DRD3: variants seen among roughly 807,000 people sequenced by gnomAD.
The protein encoded by DRD3 is dopamine receptor D3, also known as D(3) dopamine receptor.
In DRD3, 19 loss-of-function variants were observed where a neutral mutation model predicts 36.3. The observed-to-expected ratio is 0.52, with a 90% CI of 0.36 to 0.77. The LOEUF (loss-of-function observed/expected upper bound fraction) is 0.77. Ranked by LOEUF, DRD3 falls within the 30% of genes least tolerant of loss-of-function variation. The pLI is 0.00. For missense variants in DRD3, 465 were observed against 505.3 expected (o/e 0.92, Z 0.77); for synonymous variants, 195 against 203.7 (o/e 0.96, Z 0.36).
chr3:114,129,855 C>G (rs1459493751), intron 6 of DRD3, among the ~76,000 whole-genome samples: 1 of 152,194 alleles, frequency 6.6e-6, no homozygotes, highest in Non-Finnish European at 1.5e-5. Flanking sequence ...GTCAGGAATT[C>G]AAGACCAGCC....
intron 2 of DRD3, among the ~76,000 whole-genome samples, chr3:114,171,298 T>A (rs1359473786): frequency 5.3e-5 from 8 of 152,086 alleles, no homozygotes; most frequent in Non-Finnish European, 2.9e-5. Flanking sequence ...TTTTTTTCTA[T>A]AATTCCTTTT....
At chr3:114,147,222 A>T (rs755819434) in intron 4 of DRD3, among the ~76,000 whole-genome samples, 193 bp downstream of exon 4, 97 of 152,190 alleles carry the variant, frequency 6.4e-4, no homozygotes, top group Non-Finnish European at 1.3e-3. Context: ...TGTGCCAATA[A>T]TTGATGAGGT....
chr3:114,139,448 G>T, intron 5 of DRD3, 52 bp downstream of exon 5: 2 of 1,557,474 alleles, frequency 1.3e-6, no homozygotes, highest in African/African-American at 2.7e-5. Context: ...CACAGGCTGG[G>T]AAGTCAGGAG....
chr3:114,187,672 G>T lies in DRD3; in HGVS notation c.-155-8896C>A, dbSNP rs537855763. ...TATTACTATCCAAGAAGGGCATTTG[G>T]TATCACTAGAACTCTTGGGAGTTCA... On this transcript the variant is annotated intron_variant, in intron 1 of 7. Transcript: ENST00000460779. Among the ~76,000 whole-genome samples, 15 of 152,252 alleles carry T rather than the reference G, an allele frequency of 9.9e-5. No homozygotes were observed. The East Asian group carries it at 2.9e-3, about 29-fold the overall frequency.
chr3:114,173,827 G>A (rs1379371948), intron 1 of DRD3, among the ~76,000 whole-genome samples: 3 of 152,152 alleles, frequency 2.0e-5, no homozygotes, highest in South Asian at 4.1e-4. Flanking sequence ...AGACCTTTAT[G>A]GGAACTCTCT....
chr3:114,159,103 T>G (rs769878793), intron 3 of DRD3, among the ~76,000 whole-genome samples: 1 of 151,946 alleles, frequency 6.6e-6, no homozygotes, highest in African/African-American at 2.4e-5. Flanking sequence ...CTCTCAGGGA[T>G]AGAAAGCAAT....
chr3:114,176,874 A>G (rs1359250314), intron 1 of DRD3, among the ~76,000 whole-genome samples: 1 of 151,892 alleles, frequency 6.6e-6, no homozygotes, highest in African/African-American at 2.4e-5. Flanking sequence ...ATCATCATTC[A>G]ACCTCACAAC....
chr3:114,171,584 T>C (rs2077842181), intron 2 of DRD3, 139 bp downstream of exon 2: 1 of 1,140,648 alleles, frequency 8.8e-7, no homozygotes, highest in Non-Finnish European at 1.2e-6. Flanking sequence ...AACTCTCTCA[T>C]TACAGGGAGA....
chr3:114,172,080 T>C (rs1026533692), intron 1 of DRD3, 53 bp from the exon 2 acceptor site: 7 of 1,300,126 alleles, frequency 5.4e-6, no homozygotes, highest in Non-Finnish European at 6.9e-6. Flanking sequence ...TGGGGCTTGG[T>C]TGCTTAGTTA....
At chr3:114,199,206 C>G (rs1054731517) in intron 1 of DRD3, 2 of 152,284 alleles carry the variant, frequency 1.3e-5, no homozygotes, top group Middle Eastern at 3.4e-3. Flanking sequence ...TTGGTCCATT[C>G]TGTGCTGCTA....
Position 114,143,004 on chromosome 3 carries a change from GCAGAGTGATGCACCACA to G in DRD3, c.527-3325_527-3309del, listed in dbSNP as rs1395532167. On this transcript the variant is annotated intron_variant, in intron 4 of 6. Coordinates refer to ENST00000383673, the MANE Select transcript of DRD3 (RefSeq NM_000796.6). ...CCTGGGTGTGTGTCCTGTTGGCAGG[GCAGAGTGATGCACCACA>G]CAGCAGCAGTTCTGAAACCTTCTCT... Among the ~76,000 whole-genome samples, 11 of 152,336 alleles carry G rather than the reference GCAGAGTGATGCACCACA, an allele frequency of 7.2e-5. No homozygotes were observed. The East Asian group carries it at 2.1e-3, about 29-fold the overall frequency.
At chr3:114,184,211 G>C (rs1046722293) in intron 1 of DRD3, among the ~76,000 whole-genome samples, 3 of 152,080 alleles carry the variant, frequency 2.0e-5, no homozygotes, top group Non-Finnish European at 4.4e-5. Flanking sequence ...GTTTATACCA[G>C]TCTAACTTCA....
At chr3:114,145,895 T>C (rs1038980926) in intron 4 of DRD3, among the ~76,000 whole-genome samples, 6 of 152,210 alleles carry the variant, frequency 3.9e-5, no homozygotes, top group African/African-American at 1.4e-4. Flanking sequence ...ATATTAAAAA[T>C]GTCTTAACTA....
At chr3:114,137,718 G>A (rs933350340) in intron 5 of DRD3, among the ~76,000 whole-genome samples, 8 of 152,016 alleles carry the variant, frequency 5.3e-5, no homozygotes, top group South Asian at 2.1e-4. Context: ...GTGGCCGGGC[G>A]CGGTGGCTCA....
intron 5 of DRD3, among the ~76,000 whole-genome samples, chr3:114,135,395 G>A: frequency 3.0e-4 from 1 of 3,358 alleles, no homozygotes; most frequent in African/African-American, 3.3e-4. Flanking sequence ...TAGAGACGGG[G>A]TTTCACCTTG....
chr3:114,174,932 G>T (rs897619368), intron 1 of DRD3, among the ~76,000 whole-genome samples: 1 of 151,934 alleles, frequency 6.6e-6, no homozygotes, highest in African/African-American at 2.4e-5. Flanking sequence ...ATGATAGGCT[G>T]GTTTCCTCAT....
chr3:114,185,685 T>TA lies in DRD3; in HGVS notation c.-155-6910_-155-6909insT, dbSNP rs1369157293. Among the ~76,000 whole-genome samples the TA allele has an allele frequency of 2.0e-5, 3 of 151,332 alleles. No homozygotes were observed. In the Admixed American group the frequency reaches 2.0e-4, roughly 10 times the overall value. ...TTCTTCATGTGCCTTGTAATTTTAT[T>TA]TTTTTTTTAAGAGATGGGCTTGGTC... On this transcript the variant is annotated intron_variant, in intron 1 of 7. Coordinates refer to the DRD3 transcript ENST00000460779.
At chr3:114,165,895 A>G (rs1388563164) in intron 2 of DRD3, among the ~76,000 whole-genome samples, 1 of 151,912 alleles carries the variant, frequency 6.6e-6, no homozygotes, top group Admixed American at 6.6e-5. Context: ...AAGTCACATA[A>G]GGTGGGAGTG....
At chr3:114,164,065 A>G (rs2077758125) in intron 2 of DRD3, among the ~76,000 whole-genome samples, 1 of 147,848 alleles carries the variant, frequency 6.8e-6, no homozygotes. Flanking sequence ...TACTAAAAAT[A>G]CAAAAATTAG....
Sources: allele counts gnomAD v4.1 joint callset (sites outside exome capture counted in the v4.1 genomes callset), GRCh38; gene constraint gnomAD v4.1.1; transcripts MANE v1.5; gene names NCBI Gene and HGNC (gene_info 2026-07-23, HGNC 2026-07-21).